FSTL4: variants seen among roughly 807,000 people sequenced by gnomAD.
FSTL4 encodes the protein follistatin-related protein 4.
Under a neutral mutation model 78.2 loss-of-function variants are expected in FSTL4, and 28 were observed. That is an observed-to-expected ratio of 0.36 (90% CI 0.27 to 0.49). FSTL4 has a LOEUF of 0.49. Among genes scored for constraint, FSTL4 ranks in the 20% least tolerant of loss-of-function variants. The pLI is 0.98. For synonymous variants in FSTL4, 422 were observed against 440.5 expected (o/e 0.96, Z 0.53); for missense variants, 922 against 1,084.9 (o/e 0.85, Z 2.11).
chr5:133,220,690 G>A (rs1007664413), intron 12 of FSTL4, 58 bp downstream of exon 12: 22 of 893,974 alleles, frequency 2.5e-5, no homozygotes, highest in Non-Finnish European at 4.0e-5. Context: ...GTTAAAGATA[G>A]ACTTTTAGGA....
chr5:133,372,245 C>CTATGTATGTATGTATGTATG lies in FSTL4; in HGVS notation c.409+28473_409+28492dup, dbSNP rs1554108980. Among the ~76,000 whole-genome samples the CTATGTATGTATGTATGTATG allele has an allele frequency of 6.5e-3, 909 of 140,152 alleles. 12 individuals carry two copies. The highest frequency in any genetic ancestry group is 0.019 in the African/African-American group (695 of 37,014). The allele number at this position is 140,152 out of a possible 152,430, so 91.9% of individuals were successfully genotyped here. A position where few individuals can be genotyped will look rare whatever the true frequency, so the allele number is the denominator to read the frequency against. On this transcript the variant is annotated intron_variant, in intron 4 of 15. Coordinates refer to ENST00000265342, the MANE Select transcript of FSTL4 (RefSeq NM_015082.2). Reference sequence around the variant, plus strand: ...TCTATGTATCTATGTATCTATGTATCTATGTATGTATGTATGTATGTATGT... The same window carrying CTATGTATGTATGTATGTATG: ...TCTATGTATCTATGTATCTATGTATCTATGTATGTATGTATGTATGTATGTATGTATGTATGTATGTATGT...
intron 2 of FSTL4, among the ~76,000 whole-genome samples, chr5:133,582,125 G>C (rs974642886): frequency 6.6e-6 from 1 of 152,204 alleles, no homozygotes; most frequent in Admixed American, 6.5e-5. Flanking sequence ...GCCCACACTC[G>C]CCTTCCATGA....
chr5:133,314,509 G>A (rs1360932280), intron 5 of FSTL4, among the ~76,000 whole-genome samples: 1 of 152,088 alleles, frequency 6.6e-6, no homozygotes, highest in Non-Finnish European at 1.5e-5. Context: ...AGCTTCTGGT[G>A]GCTACTCCTT....
In FSTL4 at chr5:133,375,291, C is replaced by CATATATATACATATATATATAT. The variant is rs1755402567; in HGVS notation, c.409+25446_409+25447insATATATATATATGTATATATAT. On this transcript the variant is annotated intron_variant, in intron 4 of 15. Coordinates refer to ENST00000265342, the MANE Select transcript of FSTL4 (RefSeq NM_015082.2). Reference sequence around the variant, plus strand: ...AACCCAAAACATAGGGTGTGCATGGCATATATATATATATATATATAAAAG... The same window carrying CATATATATACATATATATATAT: ...AACCCAAAACATAGGGTGTGCATGGCATATATATACATATATATATATATATATATATATATATATATAAAAG... Among the ~76,000 whole-genome samples, 2 of 57,918 alleles carry CATATATATACATATATATATAT rather than the reference C, an allele frequency of 3.5e-5. 1 individual carries two copies. The highest frequency in any genetic ancestry group is 9.2e-5 in the Non-Finnish European group (2 of 21,842). 38.0% of individuals were successfully genotyped at this position (57,918 alleles called of 152,430 possible).
chr5:133,769,898 C>G, the FSTL4 span, among the ~76,000 whole-genome samples: 1 of 152,174 alleles, frequency 6.6e-6, no homozygotes, highest in Non-Finnish European at 1.5e-5. Flanking sequence ...TTATTCCACT[C>G]TATACATCCA....
At chr5:133,492,433 T>C (rs1478307205) in intron 3 of FSTL4, among the ~76,000 whole-genome samples, 1 of 152,204 alleles carries the variant, frequency 6.6e-6, no homozygotes, top group African/African-American at 2.4e-5. Context: ...ACCTCTTCAG[T>C]AACCTCTTAA....
the FSTL4 span, among the ~76,000 whole-genome samples, chr5:133,713,553 G>A: frequency 3.9e-5 from 6 of 152,176 alleles, no homozygotes; most frequent in African/African-American, 1.4e-4. Flanking sequence ...TAGATGCACT[G>A]AATCAAGAAG....
rs149403028 is a variant in FSTL4 at position 133,198,709 on chromosome 5, G to A, written c.*386C>T. ...CTCTGCTTCCGGGCCACTCCGTCAG[G>A]GCAAAGTCTGGCTGGGTCTGGCAGT... On this transcript the variant is annotated 3_prime_UTR_variant, in exon 16 of 16. Transcript: ENST00000265342. The A allele has an allele frequency of 1.4e-3, 224 of 164,174 alleles. No homozygotes were observed. The highest frequency in any genetic ancestry group is 5.2e-3 in the African/African-American group (217 of 42,084). 10.2% of individuals were successfully genotyped at this position (164,174 alleles called of 1,614,324 possible).
rs140495211 is a variant in FSTL4 at position 133,199,125 on chromosome 5, C to T, written c.2499G>A (p.Gly833=). 2.6e-6 allele frequency: 4 copies of T among 1,560,460 alleles called. No individual in the cohort carries two copies. Among genetic ancestry groups the T allele is most frequent in the Admixed American group, 1.8e-5 (1 of 56,698 alleles). The stretch of plus-strand genomic sequence containing the variant: ...CCTCACCCACCCACACCACTGTGGT[C>T]CCCCCCTTTATACCTGACACCTCAC... ...LRCEVSGIKG[G]TTVVWVGEV is the part of the protein sequence containing the mutation. The change falls in exon 16 of 16, where the codon GGG becomes GGA. Residue 833 remains glycine, a synonymous_variant. Transcript: ENST00000265342. The surrounding 1 kb of genome is among the most constrained non-coding windows in gnomAD (Gnocchi z 4.4).
At chr5:133,699,422 C>A in the FSTL4 span, among the ~76,000 whole-genome samples, 3 of 152,102 alleles carry the variant, frequency 2.0e-5, no homozygotes, top group African/African-American at 7.2e-5. Flanking sequence ...GTACTTACTA[C>A]ACACCGAGAA....
chr5:133,810,528 A>T, the FSTL4 span, among the ~76,000 whole-genome samples: 1 of 152,230 alleles, frequency 6.6e-6, no homozygotes, highest in Non-Finnish European at 1.5e-5. Context: ...GTTTAGGAGC[A>T]GGGGTTTAAC....
At chr5:133,832,289 G>A in the FSTL4 span, among the ~76,000 whole-genome samples, 8 of 152,290 alleles carry the variant, frequency 5.3e-5, no homozygotes, top group East Asian at 1.2e-3. Context: ...GAGCTCAGAC[G>A]ATTTACAGTA....
the FSTL4 span, among the ~76,000 whole-genome samples, chr5:133,800,024 G>A: frequency 1.4e-5 from 2 of 139,318 alleles, 1 homozygote; most frequent in South Asian, 4.6e-4. Flanking sequence ...ACATCAGCAC[G>A]CGGCGTCCCA....
the FSTL4 span, among the ~76,000 whole-genome samples, chr5:133,815,320 G>A: frequency 7.2e-5 from 11 of 152,138 alleles, no homozygotes; most frequent in Admixed American, 6.5e-4. Context: ...TAAATCAAAG[G>A]CTTCATGATG....
At chr5:133,243,704 G>A (rs1021471122) in intron 7 of FSTL4, 19 of 152,270 alleles carry the variant, frequency 1.2e-4, no homozygotes, top group African/African-American at 4.6e-4. Context: ...ATGAGCTGAT[G>A]CTTATGACCT....
At chr5:133,215,121 A>G (rs1423414805) in intron 13 of FSTL4, among the ~76,000 whole-genome samples, 1 of 152,154 alleles carries the variant, frequency 6.6e-6, no homozygotes, top group Non-Finnish European at 1.5e-5. Flanking sequence ...CATAACATAC[A>G]CATGCTCATC....
At chr5:133,204,138 T>A (rs1187255334) in intron 14 of FSTL4, among the ~76,000 whole-genome samples, 1 of 151,820 alleles carries the variant, frequency 6.6e-6, no homozygotes, top group Non-Finnish European at 1.5e-5. Flanking sequence ...GGAAGTGGCA[T>A]GTGGAGGGGT....
chr5:133,227,272 G>A (rs1236140137), intron 8 of FSTL4, among the ~76,000 whole-genome samples: 1 of 152,216 alleles, frequency 6.6e-6, no homozygotes, highest in African/African-American at 2.4e-5. Context: ...AGAAAAGCCT[G>A]TCACAAGTCA....
intron 3 of FSTL4, among the ~76,000 whole-genome samples, chr5:133,521,587 T>C (rs959953668): frequency 3.3e-5 from 5 of 152,174 alleles, no homozygotes; most frequent in African/African-American, 9.7e-5. Flanking sequence ...GATTCCAAAA[T>C]AGCAACTCCT....
Sources: gnomAD v4.1 joint callset for allele counts (sites outside exome capture counted in the v4.1 genomes callset) on GRCh38, gnomAD v4.1.1 for gene constraint, Gnocchi (gnomAD v3.1) non-coding constraint, MANE v1.5 for transcripts, NCBI Gene and HGNC (gene_info 2026-07-23, HGNC 2026-07-21) for gene names.